VWA8: variants seen among roughly 807,000 people sequenced by gnomAD.
VWA8 encodes von Willebrand factor A domain-containing protein 8.
A neutral mutation model predicts 241.5 loss-of-function variants in VWA8; 221 were observed. That is an observed-to-expected ratio of 0.91 (90% confidence interval 0.82 to 1.02). VWA8 has a LOEUF of 1.02. Ranked by LOEUF, VWA8 falls within the 50% of genes least tolerant of loss-of-function variation. The probability of loss-of-function intolerance (pLI) is 0.00; values close to 1 mark genes in which losing one functional copy is unlikely to be tolerated. For missense variants in VWA8, 2,322 were observed against 2,328.7 expected (o/e 1.00, Z 0.06); for synonymous variants, 852 against 827.1 (o/e 1.03, Z -0.52).
At chr13:41,621,447 C>T (rs182007867) in intron 37 of VWA8, among the ~76,000 whole-genome samples, 10 of 152,242 alleles carry the variant, frequency 6.6e-5, no homozygotes, top group Admixed American at 1.3e-4. Context: ...CTTCTGTAGG[C>T]CAATTCTAAA....
intron 21 of VWA8, among the ~76,000 whole-genome samples, chr13:41,753,160 A>C (rs1422653710): frequency 6.6e-6 from 1 of 152,134 alleles, no homozygotes; most frequent in Non-Finnish European, 1.5e-5. Flanking sequence ...AATCTCACTG[A>C]AAGAGAAAGT....
intron 37 of VWA8, among the ~76,000 whole-genome samples, chr13:41,643,601 T>A (rs1458698461): frequency 6.6e-6 from 1 of 152,198 alleles, no homozygotes; most frequent in Non-Finnish European, 1.5e-5. Flanking sequence ...CATATGTTAG[T>A]CTTGGGTGAG....
intron 12 of VWA8, among the ~76,000 whole-genome samples, chr13:41,839,812 C>A (rs1046228348): frequency 6.6e-6 from 1 of 152,142 alleles, no homozygotes; most frequent in Non-Finnish European, 1.5e-5. Flanking sequence ...CATGATGCCT[C>A]CAGCTTTGTT....
chr13:41,929,076 A>C (rs76696926), intron 2 of VWA8, among the ~76,000 whole-genome samples: 1,670 of 152,212 alleles, frequency 0.011, 32 homozygotes, highest in African/African-American at 0.039. Flanking sequence ...ATGTGTAAAA[A>C]TACAAAAGAT....
intron 26 of VWA8, among the ~76,000 whole-genome samples, chr13:41,705,409 T>A (rs2045276861): frequency 6.6e-6 from 1 of 152,206 alleles, no homozygotes; most frequent in Non-Finnish European, 1.5e-5. Flanking sequence ...CTTGAAAACA[T>A]AGACTGGGAT....
intron 37 of VWA8, among the ~76,000 whole-genome samples, chr13:41,624,334 A>C (rs2044675293): frequency 6.6e-6 from 1 of 152,198 alleles, no homozygotes; most frequent in Non-Finnish European, 1.5e-5. Context: ...TGCAGCTAGC[A>C]TCATTCTGAT....
At chr13:41,739,076 T>C (rs958054289) in intron 21 of VWA8, among the ~76,000 whole-genome samples, 3 of 152,192 alleles carry the variant, frequency 2.0e-5, no homozygotes, top group African/African-American at 7.2e-5. Flanking sequence ...AAATATTTAT[T>C]GAATACCAAT....
At chr13:41,631,385 C>A (rs1021592307) in intron 37 of VWA8, among the ~76,000 whole-genome samples, 1 of 152,014 alleles carries the variant, frequency 6.6e-6, no homozygotes, top group African/African-American at 2.4e-5. Flanking sequence ...AAATCCTGAT[C>A]CTGCTTCACC....
intron 37 of VWA8, among the ~76,000 whole-genome samples, chr13:41,643,114 C>T (rs973163300): frequency 6.6e-6 from 1 of 152,184 alleles, no homozygotes; most frequent in Non-Finnish European, 1.5e-5. Flanking sequence ...GCCCCAAATG[C>T]TGCTCAGCCT....
intron 1 of VWA8, among the ~76,000 whole-genome samples, chr13:41,959,493 CAAAA>C (rs59960898): frequency 2.6e-5 from 2 of 76,472 alleles, no homozygotes; most frequent in South Asian, 4.5e-4. Context: ...TGAGAAAAAG[CAAAA>C]AAAAAAAAAA....
chr13:41,889,593 G>A (rs1874724862), intron 5 of VWA8, among the ~76,000 whole-genome samples: 1 of 152,094 alleles, frequency 6.6e-6, no homozygotes, highest in Non-Finnish European at 1.5e-5. Context: ...TGGCCAGGCT[G>A]ATCTTGAACT....
intron 2 of VWA8, among the ~76,000 whole-genome samples, chr13:41,921,352 G>A (rs1876525456): frequency 6.6e-6 from 1 of 152,150 alleles, no homozygotes. Flanking sequence ...GCAAAAACTG[G>A]AAGCATTCCC....
intron 37 of VWA8, among the ~76,000 whole-genome samples, chr13:41,628,694 T>C (rs926361265): frequency 4.6e-5 from 7 of 152,122 alleles, no homozygotes; most frequent in Non-Finnish European, 1.0e-4. Context: ...AGTCAAATAG[T>C]GCATGTTCTC....
At chr13:41,596,666 T>C (rs1043992440) in intron 40 of VWA8, among the ~76,000 whole-genome samples, 2 of 151,992 alleles carry the variant, frequency 1.3e-5, no homozygotes, top group African/African-American at 4.8e-5. Flanking sequence ...TTACAGACTT[T>C]CTGAAAAAGA....
chr13:41,882,737 G>A (rs762288727), intron 9 of VWA8, among the ~76,000 whole-genome samples: 1 of 151,888 alleles, frequency 6.6e-6, no homozygotes, highest in South Asian at 2.1e-4. Context: ...AGGTTGCAGT[G>A]AGCCGAGATG....
intron 32 of VWA8, among the ~76,000 whole-genome samples, chr13:41,690,943 G>A (rs1311298414): frequency 1.3e-5 from 2 of 152,160 alleles, no homozygotes; most frequent in East Asian, 1.9e-4. Context: ...TGTGAACTCT[G>A]TGAATTTACA....
intron 20 of VWA8, among the ~76,000 whole-genome samples, chr13:41,766,300 C>G (rs547868951): frequency 7.4e-4 from 112 of 152,208 alleles, no homozygotes; most frequent in South Asian, 5.8e-3. Flanking sequence ...GTACAAAACT[C>G]TATCCATGTT....
chr13:41,751,896 GGGAGCTTGACCT>G (rs2045658925), intron 21 of VWA8, among the ~76,000 whole-genome samples: 1 of 152,052 alleles, frequency 6.6e-6, no homozygotes, highest in African/African-American at 2.4e-5. Context: ...CTGACCACAG[GGGAGCTTGACCT>G]GGAAGTTTCA....
intron 14 of VWA8, among the ~76,000 whole-genome samples, chr13:41,822,570 T>C (rs929175021): frequency 2.6e-5 from 4 of 152,192 alleles, no homozygotes; most frequent in African/African-American, 7.2e-5. Flanking sequence ...TATTAACTTT[T>C]TGAAGATCTT....
Sources: gnomAD v4.1 joint callset for allele counts (sites outside exome capture counted in the v4.1 genomes callset) on GRCh38, gnomAD v4.1.1 for gene constraint, MANE v1.5 for transcripts, NCBI Gene and HGNC (gene_info 2026-07-23, HGNC 2026-07-21) for gene names.